The following F13A1 variants were observed in gnomAD, a reference collection of about 807,000 sequenced individuals.
F13A1 encodes coagulation factor XIII A chain.
F13A1 carries 47 observed loss-of-function variants against 80.1 expected under a neutral mutation model. The ratio of observed to expected loss-of-function variants is 0.59; its 90% CI spans 0.46 to 0.75. The LOEUF is 0.75. F13A1 is among the 30% of genes least tolerant of loss of function. The probability of loss-of-function intolerance (pLI) is 0.00; values close to 1 mark genes in which losing one functional copy is unlikely to be tolerated. For missense variants in F13A1, 817 were observed against 930.4 expected (o/e 0.88, Z 1.59); for synonymous variants, 349 against 344.9 (o/e 1.01, Z -0.13).
intron 6 of F13A1, among the ~76,000 whole-genome samples, chr6:6,229,638 G>A (rs1757322986): frequency 1.3e-5 from 2 of 152,182 alleles, no homozygotes; most frequent in Admixed American, 6.5e-5. Flanking sequence ...AGCAGCATGT[G>A]GAGGCTCGTG....
At chr6:6,268,686 CA>C (rs1221273438) in intron 3 of F13A1, among the ~76,000 whole-genome samples, 4 of 144,222 alleles carry the variant, frequency 2.8e-5, no homozygotes, top group Non-Finnish European at 4.6e-5. Context: ...AGGGGGCACT[CA>C]TTTTTTTTTT....
intron 10 of F13A1, among the ~76,000 whole-genome samples, chr6:6,194,686 T>C (rs1761258360): frequency 6.6e-6 from 1 of 152,240 alleles, no homozygotes; most frequent in Non-Finnish European, 1.5e-5. Flanking sequence ...ATGTTCAGTG[T>C]GTTTGTGCCC....
chr6:6,246,293 G>A (rs1249510984), intron 6 of F13A1, among the ~76,000 whole-genome samples: 1 of 152,148 alleles, frequency 6.6e-6, no homozygotes, highest in Non-Finnish European at 1.5e-5. Context: ...TGGAGGCTCA[G>A]TATTTTAGCT....
At chr6:6,154,175 G>A (rs1251032435) in intron 13 of F13A1, among the ~76,000 whole-genome samples, 2 of 149,162 alleles carry the variant, frequency 1.3e-5, no homozygotes, top group East Asian at 3.9e-4. Context: ...CAGTCAGAAA[G>A]TAAGGGAGAT....
chr6:6,201,783 A>G (rs1207104728), intron 8 of F13A1, among the ~76,000 whole-genome samples: 1 of 152,148 alleles, frequency 6.6e-6, no homozygotes, highest in African/African-American at 2.4e-5. Flanking sequence ...GCCTCAAGCC[A>G]TCCTCCTGCC....
chr6:6,297,875 G>A (rs1345881833), intron 3 of F13A1, among the ~76,000 whole-genome samples: 1 of 149,824 alleles, frequency 6.7e-6, no homozygotes, highest in Non-Finnish European at 1.5e-5. Context: ...GCTTTCTCTT[G>A]TGGGCATTTA....
chr6:6,203,424 T>C (rs1761432158), intron 8 of F13A1, among the ~76,000 whole-genome samples: 2 of 152,202 alleles, frequency 1.3e-5, no homozygotes, highest in Admixed American at 1.3e-4. Flanking sequence ...TCTGGCCTCA[T>C]CAGATGAGCC....
At chr6:6,304,599 T>C (rs1011565041) in intron 3 of F13A1, among the ~76,000 whole-genome samples, 1 of 152,144 alleles carries the variant, frequency 6.6e-6, no homozygotes, top group African/African-American at 2.4e-5. Flanking sequence ...TGGTGTCTCA[T>C]GCCTGCAATC....
intron 8 of F13A1, among the ~76,000 whole-genome samples, chr6:6,201,948 A>AT (rs1761402542): frequency 6.6e-6 from 1 of 152,104 alleles, no homozygotes; most frequent in Admixed American, 6.5e-5. Context: ...CATATCTTTA[A>AT]TTTTTTAAAT....
intron 2 of F13A1, among the ~76,000 whole-genome samples, chr6:6,311,214 A>G (rs934632208): frequency 6.6e-6 from 1 of 152,130 alleles, no homozygotes; most frequent in African/African-American, 2.4e-5. Context: ...TCACCTGAAC[A>G]CCTTTTACGT....
intron 9 of F13A1, 151 bp downstream of exon 9, chr6:6,197,072 T>C (rs2151082579): frequency 1.4e-6 from 1 of 702,356 alleles, no homozygotes; most frequent in Admixed American, 2.1e-5. Context: ...TAAACCTGAT[T>C]GGAAGGTAGC....
Position 6,310,062 on chromosome 6 carries a change from T to G in F13A1, c.131-4523A>C, listed in dbSNP as rs186289640. ...GAAAACCTGGCTTTCCAGCTTTACC[T>G]CCTAGCCTAGTGTACCTGGTTAATG... On this transcript the variant is annotated intron_variant, in intron 2 of 14. Coordinates refer to ENST00000264870, the MANE Select transcript of F13A1 (RefSeq NM_000129.4). Among the ~76,000 whole-genome samples, 150 of 152,332 alleles carry G rather than the reference T, an allele frequency of 9.8e-4. 1 individual carries two copies. The highest frequency in any genetic ancestry group is 1.8e-3 in the Non-Finnish European group (122 of 68,024).
chr6:6,258,903 C>G (rs1490718797), intron 4 of F13A1, among the ~76,000 whole-genome samples: 1 of 152,178 alleles, frequency 6.6e-6, no homozygotes, highest in Non-Finnish European at 1.5e-5. Context: ...CCTCGTTCCC[C>G]AAATAGGTCG....
intron 3 of F13A1, among the ~76,000 whole-genome samples, chr6:6,293,200 C>T (rs1758249118): frequency 6.6e-6 from 1 of 152,132 alleles, no homozygotes; most frequent in Admixed American, 6.5e-5. Flanking sequence ...CCTACTGTCA[C>T]TTCGGAGGGC....
In F13A1 at chr6:6,224,727, C is replaced by A; in HGVS notation, c.932G>T (p.Arg311Leu). 2 of 1,614,104 alleles carry A rather than the reference C, an allele frequency of 1.2e-6. No homozygotes were observed. Among genetic ancestry groups the A allele is most frequent in the Non-Finnish European group, 1.7e-6 (2 of 1,179,972 alleles). The change falls in exon 7 of 15, where the codon CGG becomes CTG. Residue 311 changes from arginine (R) to leucine (L), a missense_variant. Transcript: ENST00000264870. ...LEYRSSENPVRYGQCWVFAGV... is the reference protein window; with the variant it reads ...LEYRSSENPVLYGQCWVFAGV... ...AGCAAAAACCCAGCATTGGCCATAC[C>A]GGACTGGATTCTCAGAGCTCCGGTA...
rs919316956 is a variant in F13A1, at chr6:6,230,582, A to G, written c.799-5722T>C. Among the ~76,000 whole-genome samples the G allele has an allele frequency of 2.6e-5, 4 of 152,064 alleles. No homozygotes were observed. The South Asian group carries it at 8.3e-4, about 32-fold the overall frequency. On this transcript the variant is annotated intron_variant, in intron 6 of 14. Transcript: ENST00000264870. ...CTGCCCACCACTGGTTCCTCCCCAT[A>G]CTACCACAGCTACTGCTCTCTGGAA... is the stretch of plus-strand genomic sequence containing the variant.
At chr6:6,149,354 T>TA (rs1226115115) in intron 14 of F13A1, among the ~76,000 whole-genome samples, 6 of 152,110 alleles carry the variant, frequency 3.9e-5, no homozygotes, top group Middle Eastern at 3.4e-3. Flanking sequence ...AATGTGTCAG[T>TA]AAAAAAAACT....
chr6:6,301,216 C>G (rs57530485), intron 3 of F13A1, among the ~76,000 whole-genome samples: 8,499 of 152,238 alleles, frequency 0.056, 625 homozygotes, highest in African/African-American at 0.17. Flanking sequence ...TCCTGTCTTA[C>G]AACTATGGCA....
intron 3 of F13A1, among the ~76,000 whole-genome samples, chr6:6,303,035 T>G (rs1401840269): frequency 6.6e-6 from 1 of 152,210 alleles, no homozygotes; most frequent in Non-Finnish European, 1.5e-5. Flanking sequence ...TATTTCTGCA[T>G]CATTTATGTA....
Sources: gnomAD v4.1 joint callset for allele counts (sites outside exome capture counted in the v4.1 genomes callset) on GRCh38, gnomAD v4.1.1 for gene constraint, MANE v1.5 for transcripts, NCBI Gene and HGNC (gene_info 2026-07-23, HGNC 2026-07-21) for gene names.